SGPL1: variants seen among roughly 807,000 people sequenced by gnomAD.
SGPL1 encodes SP-lyase 1.
In SGPL1, 37 loss-of-function variants were observed where a neutral mutation model predicts 68.9. That is an observed-to-expected ratio of 0.54 (90% confidence interval 0.41 to 0.71). The LOEUF (loss-of-function observed/expected upper bound fraction) is 0.71. Ranked by LOEUF, SGPL1 falls within the 30% of genes least tolerant of loss-of-function variation. The pLI is 0.00. For missense variants in SGPL1, 551 were observed against 704.6 expected, an observed-to-expected ratio of 0.78 and a Z score of 2.47; for synonymous variants, 236 against 248.5, an observed-to-expected ratio of 0.95 and a Z score of 0.47.
intron 2 of SGPL1, among the ~76,000 whole-genome samples, chr10:70,820,732 A>G (rs1338179424): frequency 6.6e-6 from 1 of 151,958 alleles, no homozygotes; most frequent in Admixed American, 6.6e-5. Context: ...CTGAAGCTGC[A>G]CCATTACACT....
intron 2 of SGPL1, among the ~76,000 whole-genome samples, chr10:70,818,302 T>C (rs1845275537): frequency 6.6e-6 from 1 of 152,160 alleles, no homozygotes; most frequent in South Asian, 2.1e-4. Context: ...TGTTTTTTAA[T>C]AGAGATGGGG....
chr10:70,862,847 G>A (rs1331027201), intron 7 of SGPL1, among the ~76,000 whole-genome samples: 2 of 152,296 alleles, frequency 1.3e-5, no homozygotes, highest in South Asian at 2.1e-4. Context: ...CACTCACCGC[G>A]AGGGTCCGCG....
At chr10:70,852,736 A>G (rs1338641) in intron 4 of SGPL1, among the ~76,000 whole-genome samples, 136,635 of 151,330 alleles carry the variant, frequency 0.9, 61,503 homozygotes, top group South Asian at 0.94. Flanking sequence ...GTGCGCGCGC[A>G]CGCGTGTGTG....
Position 70,816,877 on chromosome 10 carries a change from G to A in SGPL1, c.24G>A (p.Met8Ile). MPSTDLL[M>I]LKAFEPYLEI... is the part of the protein sequence containing the mutation. ...AGATGCCTAGCACAGACCTTCTGATGTTGGTGAGCCTTTTGCAGACATCCT... is the reference window on the plus strand; with the variant it reads ...AGATGCCTAGCACAGACCTTCTGATATTGGTGAGCCTTTTGCAGACATCCT... The change falls in exon 2 of 15, where the codon ATG becomes ATA. Residue 8 changes from methionine to isoleucine, a missense_variant. Physicochemically the swap from Met to Ile is conservative, Grantham distance 10. Transcript: ENST00000373202. 1 of 1,614,178 alleles carries A rather than the reference G, an allele frequency of 6.2e-7. No individual in the cohort carries two copies. The highest frequency in any genetic ancestry group is 8.5e-7 in the Non-Finnish European group (1 of 1,179,990).
At chr10:70,862,009 C>G (rs1846069712) in intron 7 of SGPL1, among the ~76,000 whole-genome samples, 1 of 152,206 alleles carries the variant, frequency 6.6e-6, no homozygotes, top group African/African-American at 2.4e-5. Context: ...ATCGACCACC[C>G]AAGGGCTGAG....
At chr10:70,877,105 G>T in intron 14 of SGPL1, 90 bp from the exon 15 acceptor site, 1 of 1,323,078 alleles carries the variant, frequency 7.6e-7, no homozygotes. Flanking sequence ...TGCGAAGCTA[G>T]GACTCGGGGA....
At position 70,857,639 on chromosome 10, in the gene SGPL1, C is replaced by A; in HGVS notation, c.435C>A (p.Ala145=). 6.2e-7 allele frequency: 1 copy of A among 1,613,512 alleles called. No individual in the cohort carries two copies. Among genetic ancestry groups the A allele is most frequent in the Non-Finnish European group, 8.5e-7 (1 of 1,179,610 alleles). ...SMDAFWQEGR[A]SGTVYSGEEK... is the part of the protein sequence containing the mutation. ...ACGCCTTCTGGCAAGAGGGGAGAGC[C>A]TCTGGAACAGTGTACAGTGGGGAGG... Residue 145 remains alanine (A), a synonymous_variant, in exon 6 of 15, where the codon GCC becomes GCA. Coordinates refer to ENST00000373202, the MANE Select transcript of SGPL1 (RefSeq NM_003901.4).
intron 2 of SGPL1, among the ~76,000 whole-genome samples, chr10:70,840,077 T>C (rs567245621): frequency 1.3e-5 from 2 of 152,136 alleles, no homozygotes; most frequent in Non-Finnish European, 2.9e-5. Flanking sequence ...CATGGTACCA[T>C]GTATCCAGGG....
intron 7 of SGPL1, among the ~76,000 whole-genome samples, chr10:70,863,786 T>C (rs1191683716): frequency 6.6e-6 from 1 of 152,142 alleles, no homozygotes; most frequent in Non-Finnish European, 1.5e-5. Flanking sequence ...AGAAAAACAG[T>C]TTTTCTTTTC....
intron 7 of SGPL1, among the ~76,000 whole-genome samples, chr10:70,861,512 G>A (rs1025706762): frequency 1.7e-4 from 26 of 152,294 alleles, no homozygotes; most frequent in Admixed American, 1.3e-4. Flanking sequence ...CGCTCTCGGC[G>A]CCTCCTCTGC....
At chr10:70,830,653 A>G (rs1464807868) in intron 2 of SGPL1, among the ~76,000 whole-genome samples, 2 of 152,202 alleles carry the variant, frequency 1.3e-5, no homozygotes, top group African/African-American at 4.8e-5. Context: ...GGCTATTTCT[A>G]TGCTTTATTG....
At chr10:70,856,190 T>G (rs1459341026) in intron 5 of SGPL1, among the ~76,000 whole-genome samples, 3 of 152,094 alleles carry the variant, frequency 2.0e-5, no homozygotes, top group Non-Finnish European at 2.9e-5. Context: ...GAGATAAGAT[T>G]TCACCATGTT....
chr10:70,824,991 G>C (rs571484564), intron 2 of SGPL1, among the ~76,000 whole-genome samples: 247 of 133,450 alleles, frequency 1.9e-3, no homozygotes, highest in South Asian at 2.9e-3. Context: ...TTTGAGACAA[G>C]TCTTGCTCTG....
At chr10:70,827,889 C>T (rs1341889752) in intron 2 of SGPL1, among the ~76,000 whole-genome samples, 1 of 152,126 alleles carries the variant, frequency 6.6e-6, no homozygotes, top group Non-Finnish European at 1.5e-5. Flanking sequence ...TGGAAACATA[C>T]AGTATATTCT....
intron 7 of SGPL1, among the ~76,000 whole-genome samples, chr10:70,860,100 T>C (rs7910285): frequency 0.12 from 18,065 of 152,290 alleles, 1,320 homozygotes; most frequent in Non-Finnish European, 0.17. Context: ...CATCATTATA[T>C]TTAAAGAAAC....
In SGPL1 at chr10:70,857,446, T is replaced by C. The variant is rs958576790; in HGVS notation, c.410-168T>C. On this transcript the variant is annotated intron_variant, in intron 5 of 14. Transcript: ENST00000373202. The stretch of plus-strand genomic sequence containing the variant: ...ATTTTTCATCTTTATTTTATTGTGC[T>C]AACTCTATTGAACTTTTTTCTTGAT... 1.5e-4 allele frequency: 89 copies of C among 577,242 alleles called. 2 individuals carry two copies. The East Asian group carries it at 2.7e-3, about 18-fold the overall frequency. 35.8% of individuals were successfully genotyped at this position (577,242 alleles called of 1,614,324 possible). A position where few individuals can be genotyped will look rare whatever the true frequency, so the allele number is the denominator to read the frequency against.
chr10:70,821,939 T>C (rs750034289), intron 2 of SGPL1, among the ~76,000 whole-genome samples: 1 of 152,210 alleles, frequency 6.6e-6, no homozygotes, highest in African/African-American at 2.4e-5. Flanking sequence ...TGCTGTCCTT[T>C]GCAACATTTC....
intron 2 of SGPL1, among the ~76,000 whole-genome samples, chr10:70,828,012 A>G (rs543027444): frequency 2.0e-5 from 3 of 152,308 alleles, no homozygotes; most frequent in East Asian, 3.9e-4. Flanking sequence ...GTATAACTAT[A>G]TTATAACTAA....
At chr10:70,863,476 G>A (rs1264160321) in intron 7 of SGPL1, among the ~76,000 whole-genome samples, 1 of 151,754 alleles carries the variant, frequency 6.6e-6, no homozygotes, top group Non-Finnish European at 1.5e-5. Flanking sequence ...CCTTATATTT[G>A]TGATTTTATT....
Sources: gnomAD v4.1 joint callset for allele counts (sites outside exome capture counted in the v4.1 genomes callset) on GRCh38, gnomAD v4.1.1 for gene constraint, MANE v1.5 for transcripts, NCBI Gene and HGNC (gene_info 2026-07-23, HGNC 2026-07-21) for gene names.